The following TLN2 variants were observed in gnomAD, a reference collection of about 807,000 sequenced individuals.
TLN2 encodes talin 2, also known as talin-2.
TLN2 carries 118 observed loss-of-function variants against 294.7 expected under a neutral mutation model. The ratio of observed to expected loss-of-function variants is 0.40; its 90% CI spans 0.34 to 0.47. TLN2 has a LOEUF of 0.47. Among genes scored for constraint, TLN2 ranks in the 20% least tolerant of loss-of-function variants. The pLI, the probability that TLN2 is intolerant of heterozygous loss-of-function variation, is 0.84. For missense variants in TLN2, 3,083 were observed against 3,282.2 expected (o/e 0.94, Z 1.48); for synonymous variants, 1,431 against 1,304.5 (o/e 1.10, Z -2.09).
chr15:62,587,974 G>A (rs1167678832), intron 1 of TLN2, among the ~76,000 whole-genome samples: 1 of 151,798 alleles, frequency 6.6e-6, no homozygotes, highest in Non-Finnish European at 1.5e-5. Flanking sequence ...TCCGCCTCCC[G>A]GGTTCACACT....
At chr15:62,769,484 G>A (rs1378384632) in intron 41 of TLN2, among the ~76,000 whole-genome samples, 7 of 152,194 alleles carry the variant, frequency 4.6e-5, no homozygotes, top group African/African-American at 1.7e-4. Context: ...GGCTCCCTAA[G>A]GGCCGGGAAC....
At chr15:62,694,474 C>T in intron 14 of TLN2, 82 bp downstream of exon 14, 1 of 1,138,844 alleles carries the variant, frequency 8.8e-7, no homozygotes, top group East Asian at 2.4e-5. Context: ...GCCTGCTGCT[C>T]TGAAGCCTGT....
intron 22 of TLN2, among the ~76,000 whole-genome samples, chr15:62,713,271 C>CAAAA (rs541064329): frequency 5.4e-5 from 6 of 111,442 alleles, no homozygotes; most frequent in South Asian, 3.2e-4. Flanking sequence ...ACCTGCGTCT[C>CAAAA]AAAAAAAAAA....
chr15:62,644,395 C>A, intron 3 of TLN2: 1 of 425,124 alleles, frequency 2.4e-6, no homozygotes, highest in South Asian at 1.7e-5. Flanking sequence ...AGGGCTGAGT[C>A]ATTACTGCTC....
intron 1 of TLN2, among the ~76,000 whole-genome samples, chr15:62,464,246 A>G (rs966081979): frequency 2.0e-5 from 3 of 152,210 alleles, no homozygotes; most frequent in Non-Finnish European, 4.4e-5. Flanking sequence ...TGCAGCCATA[A>G]AAAAGGATGA....
intron 1 of TLN2, among the ~76,000 whole-genome samples, chr15:62,581,489 TG>T (rs1349364453): frequency 6.6e-6 from 1 of 152,190 alleles, no homozygotes; most frequent in African/African-American, 2.4e-5. Context: ...TGGTATTCTT[TG>T]TGGCTTTGTG....
chr15:62,825,763 TTA>T (rs369894751), intron 54 of TLN2, among the ~76,000 whole-genome samples: 1 of 86,836 alleles, frequency 1.2e-5, no homozygotes, highest in East Asian at 2.6e-4. Context: ...ATAATTATAA[TTA>T]TATATTATAT....
chr15:62,439,054 A>G (rs1445919837), intron 1 of TLN2, among the ~76,000 whole-genome samples: 1 of 152,222 alleles, frequency 6.6e-6, no homozygotes. Flanking sequence ...GGTTGTAAAT[A>G]TATGCATTAT....
intron 46 of TLN2, among the ~76,000 whole-genome samples, chr15:62,794,106 G>A (rs1162457395): frequency 6.6e-6 from 1 of 152,174 alleles, no homozygotes; most frequent in African/African-American, 2.4e-5. Flanking sequence ...GGAGCACCAG[G>A]AAGGGAGGAG....
At position 62,540,201 on chromosome 15, in the gene TLN2, C is replaced by A. The variant is rs560418025; in HGVS notation, c.-237-49486C>A. Among the ~76,000 whole-genome samples, 6 of 152,006 alleles carry A rather than the reference C, an allele frequency of 3.9e-5. No individual in the cohort carries two copies. The East Asian group carries it at 9.7e-4, about 25-fold the overall frequency. ...CTAAAAATACAAAAAATTAGCTGGG[C>A]ATGGTGATGGGTCCTGTAATCCCAG... On this transcript the variant is annotated intron_variant, in intron 1 of 58. Coordinates refer to ENST00000636159, the MANE Select transcript of TLN2 (RefSeq NM_015059.3).
Position 62,491,369 on chromosome 15 carries a change from C to T in TLN2, c.-237-98318C>T, listed in dbSNP as rs796150208. Among the ~76,000 whole-genome samples the T allele has an allele frequency of 3.6e-3, 460 of 126,562 alleles. 2 individuals carry two copies. Among genetic ancestry groups the T allele is most frequent in the South Asian group, 0.017 (65 of 3,784 alleles). The allele number at this position is 126,562 out of a possible 152,430, so 83.0% of individuals were successfully genotyped here. ...ATATATATACACACACACACACACA[C>T]ACACACACACACACACACACACACA... On this transcript the variant is annotated intron_variant, in intron 1 of 58. Transcript: ENST00000636159.
chr15:62,622,353 T>C (rs2048905355), intron 3 of TLN2, among the ~76,000 whole-genome samples: 1 of 152,148 alleles, frequency 6.6e-6, no homozygotes, highest in African/African-American at 2.4e-5. Flanking sequence ...TGGGGGATGG[T>C]TTCTGCTTTC....
intron 54 of TLN2, among the ~76,000 whole-genome samples, chr15:62,825,801 T>TATAA (rs1212160568): frequency 9.2e-5 from 1 of 10,876 alleles, no homozygotes; most frequent in African/African-American, 2.9e-4. Flanking sequence ...ATAATATATA[T>TATAA]TATATATTAT....
Position 62,742,144 on chromosome 15 carries a change from A to T in TLN2, c.4025+1375A>T, listed in dbSNP as rs996391866. Among the ~76,000 whole-genome samples the T allele has an allele frequency of 7.2e-5, 11 of 151,742 alleles. No individual in the cohort carries two copies. The South Asian group carries it at 2.3e-3, about 32-fold the overall frequency. On this transcript the variant is annotated intron_variant, in intron 32 of 58. Coordinates refer to ENST00000636159, the MANE Select transcript of TLN2 (RefSeq NM_015059.3). ...GTTTCTTCATTTATTCCTGGAAGGTACATTTTAACTGCAAACAATAGCTAG... is the reference window on the plus strand; with the variant it reads ...GTTTCTTCATTTATTCCTGGAAGGTTCATTTTAACTGCAAACAATAGCTAG...
intron 1 of TLN2, among the ~76,000 whole-genome samples, chr15:62,545,558 A>G (rs943978174): frequency 3.0e-5 from 4 of 132,688 alleles, no homozygotes; most frequent in African/African-American, 9.3e-5. Flanking sequence ...CTGTGTCTCA[A>G]TGTGTTCTTT....
intron 11 of TLN2, 118 bp downstream of exon 11, chr15:62,675,439 C>A: frequency 2.0e-6 from 2 of 1,017,890 alleles, no homozygotes; most frequent in Non-Finnish European, 2.9e-6. Context: ...GCGGGTGGAA[C>A]ATCTGGCTAG....
At chr15:62,619,769 G>A (rs2048619328) in intron 3 of TLN2, among the ~76,000 whole-genome samples, 1 of 152,180 alleles carries the variant, frequency 6.6e-6, no homozygotes, top group African/African-American at 2.4e-5. Context: ...GAGCCTTGGA[G>A]GGTAGCGTGT....
intron 1 of TLN2, among the ~76,000 whole-genome samples, chr15:62,476,645 C>T (rs879236097): frequency 4.6e-5 from 7 of 152,226 alleles, no homozygotes; most frequent in African/African-American, 1.2e-4. Flanking sequence ...TGTTCCATCA[C>T]CAGAGCCAAA....
chr15:62,711,478 A>G (rs2141129984), intron 21 of TLN2, among the ~76,000 whole-genome samples: 1 of 152,396 alleles, frequency 6.6e-6, no homozygotes, highest in East Asian at 1.9e-4. Flanking sequence ...CCTACACATT[A>G]ATACAGAATT....
Sources: allele counts gnomAD v4.1 joint callset (sites outside exome capture counted in the v4.1 genomes callset), GRCh38; gene constraint gnomAD v4.1.1; transcripts MANE v1.5; gene names NCBI Gene and HGNC (gene_info 2026-07-23, HGNC 2026-07-21).